MAD1L1: variants seen among roughly 807,000 people sequenced by gnomAD.
The protein encoded by MAD1L1 is mitotic spindle assembly checkpoint protein MAD1.
A neutral mutation model predicts 96.9 loss-of-function variants in MAD1L1; 95 were observed. The ratio of observed to expected loss-of-function variants is 0.98; its 90% CI spans 0.83 to 1.16. The LOEUF is 1.16. Ranked by LOEUF, MAD1L1 falls within the 50% of genes most tolerant of loss-of-function variation. The pLI is 0.00. For missense variants in MAD1L1, 1,007 were observed against 954.4 expected (o/e 1.06, Z -0.73); for synonymous variants, 473 against 396.6 (o/e 1.19, Z -2.29).
At chr7:1,892,549 G>A (rs371587215) in intron 18 of MAD1L1, among the ~76,000 whole-genome samples, 7 of 152,160 alleles carry the variant, frequency 4.6e-5, no homozygotes, top group East Asian at 1.9e-4. Context: ...TATCGGAAAC[G>A]CTCCATTAAG....
intron 18 of MAD1L1, among the ~76,000 whole-genome samples, chr7:1,859,649 A>G (rs1784422720): frequency 6.6e-6 from 1 of 152,176 alleles, no homozygotes; most frequent in Non-Finnish European, 1.5e-5. Flanking sequence ...GGGAGGAGAC[A>G]GGCCCCAGGC....
rs186929742 is a variant in MAD1L1 at position 1,816,261 on chromosome 7, G to A, written c.1999-33C>T. On this transcript the variant is annotated intron_variant, in intron 18 of 18. Coordinates refer to ENST00000265854, the MANE Select transcript of MAD1L1 (RefSeq NM_001013836.2). Reference sequence around the variant, plus strand: ...GCAGTCAAGAAAGAGACAAGACAGCGGTCAGCCCGACAGGCCTCTCCCTCT... The same window carrying A: ...GCAGTCAAGAAAGAGACAAGACAGCAGTCAGCCCGACAGGCCTCTCCCTCT... 174 of 1,596,378 alleles carry A rather than the reference G, an allele frequency of 1.1e-4. 1 individual carries two copies. The highest frequency in any genetic ancestry group is 2.9e-4 in the East Asian group (13 of 44,642).
intron 18 of MAD1L1, among the ~76,000 whole-genome samples, chr7:1,879,982 G>A (rs998370654): frequency 1.3e-5 from 2 of 152,032 alleles, no homozygotes; most frequent in Admixed American, 6.5e-5. Context: ...CGCCCACCTC[G>A]ACCTCCCAAA....
chr7:2,048,043 A>G (rs924773559), intron 12 of MAD1L1, among the ~76,000 whole-genome samples: 2 of 152,162 alleles, frequency 1.3e-5, no homozygotes. Flanking sequence ...GGACACACAC[A>G]TACACAGCAC....
chr7:2,053,000 C>T (rs568776427), intron 12 of MAD1L1, among the ~76,000 whole-genome samples: 94 of 152,280 alleles, frequency 6.2e-4, no homozygotes, highest in African/African-American at 2.1e-3. Context: ...GAGGAGGGAA[C>T]GGGTGGGTGC....
In MAD1L1 at chr7:2,098,395, C is replaced by T. The variant is rs1786608252; in HGVS notation, c.1074-29057G>A. Among the ~76,000 whole-genome samples the T allele has an allele frequency of 2.0e-5, 3 of 152,206 alleles. No individual in the cohort carries two copies. The South Asian group carries it at 6.2e-4, about 32-fold the overall frequency. ...GAACAAGAGACCTCGGGCCCTAAACCCTGTGACAACCAGACACAAAGTGGG... is the reference window on the plus strand; with the variant it reads ...GAACAAGAGACCTCGGGCCCTAAACTCTGTGACAACCAGACACAAAGTGGG... On this transcript the variant is annotated intron_variant, in intron 11 of 18. Coordinates refer to ENST00000265854, the MANE Select transcript of MAD1L1 (RefSeq NM_001013836.2).
chr7:2,093,150 C>T (rs1043741144), intron 11 of MAD1L1, among the ~76,000 whole-genome samples: 1 of 146,286 alleles, frequency 6.8e-6, no homozygotes, highest in Non-Finnish European at 1.5e-5. Context: ...GAGACTGAGG[C>T]GGAAGAATCG....
intron 13 of MAD1L1, among the ~76,000 whole-genome samples, chr7:2,003,154 G>A (rs1219981780): frequency 1.3e-5 from 2 of 152,238 alleles, no homozygotes; most frequent in African/African-American, 2.4e-5. Flanking sequence ...CAGCAGGCCT[G>A]AGGGTGAGGG....
chr7:2,208,241 C>T (rs1792703573), intron 10 of MAD1L1, among the ~76,000 whole-genome samples: 1 of 152,080 alleles, frequency 6.6e-6, no homozygotes, highest in African/African-American at 2.4e-5. Context: ...AGAAACATAA[C>T]CCATTTTGGT....
rs565962814 is a variant in MAD1L1 at position 1,936,067 on chromosome 7, C to T, written c.1807+620G>A. Among the ~76,000 whole-genome samples, 3 of 152,340 alleles carry T rather than the reference C, an allele frequency of 2.0e-5. 1 individual carries two copies. Among genetic ancestry groups the T allele is most frequent in the African/African-American group, 7.2e-5 (3 of 41,594 alleles). ...TGGGGGTGCAGACTGCACAGTGACT[C>T]TGGACTCCCAGCCCTGCTCCTTCAG... On this transcript the variant is annotated intron_variant, in intron 17 of 18. Coordinates refer to ENST00000265854, the MANE Select transcript of MAD1L1 (RefSeq NM_001013836.2).
At chr7:2,006,544 C>G (rs1374617268) in intron 13 of MAD1L1, among the ~76,000 whole-genome samples, 1 of 151,992 alleles carries the variant, frequency 6.6e-6, no homozygotes, top group African/African-American at 2.4e-5. Context: ...CCCGCACGGC[C>G]CAGCACAGGA....
intron 17 of MAD1L1, among the ~76,000 whole-genome samples, chr7:1,919,145 G>T (rs1033795254): frequency 6.6e-6 from 1 of 152,240 alleles, no homozygotes; most frequent in Non-Finnish European, 1.5e-5. Context: ...GGGGACAGAC[G>T]CTCACAACTG....
chr7:1,856,105 C>T (rs985986794), intron 18 of MAD1L1, among the ~76,000 whole-genome samples: 51 of 152,290 alleles, frequency 3.3e-4, no homozygotes, highest in African/African-American at 1.1e-3. Context: ...TCATCTTGGG[C>T]GTTAGAATTT....
At chr7:2,126,073 G>T (rs925348987) in intron 11 of MAD1L1, among the ~76,000 whole-genome samples, 1 of 152,160 alleles carries the variant, frequency 6.6e-6, no homozygotes, top group African/African-American at 2.4e-5. Flanking sequence ...GTGGACTCGG[G>T]GACAGACCCA....
chr7:2,131,352 G>A lies in MAD1L1; in HGVS notation c.1073+17800C>T, dbSNP rs147796988. Among the ~76,000 whole-genome samples the A allele has an allele frequency of 7.0e-3, 1,066 of 152,220 alleles. 10 individuals are homozygous for A. Among genetic ancestry groups the A allele is most frequent in the African/African-American group, 0.02 (822 of 41,526 alleles). Reference sequence around the variant, plus strand: ...AGAGGCTACATTAAAAATGGCTTACGCACCATAAAATCAGTTCTATTCATG... The same window carrying A: ...AGAGGCTACATTAAAAATGGCTTACACACCATAAAATCAGTTCTATTCATG... On this transcript the variant is annotated intron_variant, in intron 11 of 18. Transcript: ENST00000265854.
At chr7:2,138,312 C>G (rs1443204640) in intron 11 of MAD1L1, among the ~76,000 whole-genome samples, 1 of 152,218 alleles carries the variant, frequency 6.6e-6, no homozygotes, top group Non-Finnish European at 1.5e-5. Context: ...ACCGTCCTGG[C>G]TGCGGCAGCG....
At chr7:2,064,244 A>G (rs2040539066) in intron 12 of MAD1L1, among the ~76,000 whole-genome samples, 1 of 151,828 alleles carries the variant, frequency 6.6e-6, no homozygotes, top group Admixed American at 6.5e-5. Flanking sequence ...CAACACCAAT[A>G]TCCAGGCGGG....
intron 18 of MAD1L1, among the ~76,000 whole-genome samples, chr7:1,877,415 CA>C (rs568737542): frequency 2.1e-3 from 310 of 150,454 alleles, no homozygotes; most frequent in Non-Finnish European, 2.7e-3. Flanking sequence ...AGAAGAAAAC[CA>C]AAGAGGTATA....
At chr7:1,823,972 G>T (rs751644669) in intron 18 of MAD1L1, among the ~76,000 whole-genome samples, 7 of 152,200 alleles carry the variant, frequency 4.6e-5, no homozygotes, top group Non-Finnish European at 1.0e-4. Context: ...AGGAGCCCTC[G>T]GGGGAAGTTA....
Sources: allele counts gnomAD v4.1 joint callset (sites outside exome capture counted in the v4.1 genomes callset), GRCh38; gene constraint gnomAD v4.1.1; transcripts MANE v1.5; gene names NCBI Gene and HGNC (gene_info 2026-07-23, HGNC 2026-07-21).